The following SLC16A10 variants were observed in gnomAD, a reference collection of about 807,000 sequenced individuals.
SLC16A10 encodes monocarboxylate transporter 10.
A neutral mutation model predicts 40.0 loss-of-function variants in SLC16A10; 27 were observed. The observed-to-expected ratio is 0.67, with a 90% CI of 0.50 to 0.93. SLC16A10 has a LOEUF of 0.93. Ranked by LOEUF, SLC16A10 falls within the 40% of genes least tolerant of loss-of-function variation. The pLI is 0.00. For synonymous variants in SLC16A10, 213 were observed against 249.8 expected (o/e 0.85, Z 1.39); for missense variants, 529 against 658.2 (o/e 0.80, Z 2.15).
At chr6:111,145,350 A>G (rs1772057613) in intron 1 of SLC16A10, among the ~76,000 whole-genome samples, 2 of 152,192 alleles carry the variant, frequency 1.3e-5, no homozygotes, top group Non-Finnish European at 2.9e-5. Flanking sequence ...GCAATAAGCC[A>G]TGTTTGCATC....
chr6:111,219,283 A>G (rs138170652), intron 5 of SLC16A10, among the ~76,000 whole-genome samples: 1 of 152,132 alleles, frequency 6.6e-6, no homozygotes, highest in African/African-American at 2.4e-5. Context: ...ACACTTTGGG[A>G]GGCTGAGGCG....
chr6:111,137,166 CT>C (rs1771895057), intron 1 of SLC16A10, among the ~76,000 whole-genome samples: 1 of 152,204 alleles, frequency 6.6e-6, no homozygotes, highest in Non-Finnish European at 1.5e-5. Flanking sequence ...GGGTAATCCC[CT>C]CCAAGAAACC....
intron 1 of SLC16A10, among the ~76,000 whole-genome samples, chr6:111,165,313 G>C (rs1254059360): frequency 6.6e-6 from 1 of 152,094 alleles, no homozygotes; most frequent in Non-Finnish European, 1.5e-5. Flanking sequence ...TTTCCAGGGA[G>C]TCCCAGGCCA....
intron 1 of SLC16A10, among the ~76,000 whole-genome samples, chr6:111,150,170 T>C (rs1294642406): frequency 6.6e-6 from 1 of 152,218 alleles, no homozygotes; most frequent in Non-Finnish European, 1.5e-5. Context: ...AATGCCGTTG[T>C]TGCAGTAGTG....
chr6:111,143,613 A>G (rs1019613243), intron 1 of SLC16A10, among the ~76,000 whole-genome samples: 2 of 152,150 alleles, frequency 1.3e-5, no homozygotes, highest in East Asian at 1.9e-4. Context: ...GTTATATACC[A>G]TGGGATTTCA....
At chr6:111,199,160 G>A (rs935219573) in intron 3 of SLC16A10, among the ~76,000 whole-genome samples, 11 of 152,098 alleles carry the variant, frequency 7.2e-5, no homozygotes, top group African/African-American at 2.7e-4. Flanking sequence ...AGAAACTTCA[G>A]AATCAAATTT....
At chr6:111,135,361 G>A (rs1771859275) in intron 1 of SLC16A10, among the ~76,000 whole-genome samples, 1 of 152,164 alleles carries the variant, frequency 6.6e-6, no homozygotes, top group Non-Finnish European at 1.5e-5. Flanking sequence ...GGACCTAAAA[G>A]CCCAAGGCCT....
At position 111,107,895 on chromosome 6, in the gene SLC16A10, A is replaced by G. The variant is rs75844126; in HGVS notation, c.343+19800A>G. Reference sequence around the variant, plus strand: ...ATTAGCCAAAGTTTTAGCAAAACAAACAAATACCCAGGGAAGCTTTACCAG... The same window carrying G: ...ATTAGCCAAAGTTTTAGCAAAACAAGCAAATACCCAGGGAAGCTTTACCAG... On this transcript the variant is annotated intron_variant, in intron 1 of 5. Transcript: ENST00000368851. 1.7e-3 allele frequency among the ~76,000 whole-genome samples: 257 copies of G among 152,358 alleles called. 3 individuals carry two copies. Among genetic ancestry groups the G allele is most frequent in the African/African-American group, 5.7e-3 (235 of 41,586 alleles).
intron 1 of SLC16A10, among the ~76,000 whole-genome samples, chr6:111,171,295 C>T (rs1282138677): frequency 6.6e-6 from 1 of 152,212 alleles, no homozygotes; most frequent in Non-Finnish European, 1.5e-5. Flanking sequence ...ACAGTGTTTA[C>T]ACAGTCTCTT....
At chr6:111,183,926 G>A (rs919756516) in intron 3 of SLC16A10, among the ~76,000 whole-genome samples, 1 of 152,234 alleles carries the variant, frequency 6.6e-6, no homozygotes, top group African/African-American at 2.4e-5. Context: ...CTTTGGTCGA[G>A]CATTGAGCAT....
intron 1 of SLC16A10, among the ~76,000 whole-genome samples, chr6:111,143,654 A>C (rs1562411461): frequency 6.6e-6 from 1 of 152,194 alleles, no homozygotes; most frequent in Non-Finnish European, 1.5e-5. Context: ...TGGCAAAACG[A>C]AGGCAACAAT....
chr6:111,172,800 C>T lies in SLC16A10; in HGVS notation c.449C>T (p.Ala150Val), dbSNP rs775252602. ...GCRKTAVVGA[A>V]VGFVGLMSSS... is the part of the protein sequence containing the mutation. ...CGGAAAACAGCTGTCGTGGGTGCTG[C>T]TGTTGGATTTGTTGGGCTCATGTCC... The change falls in exon 2 of 6, where the codon GCT becomes GTT. Residue 150 changes from alanine (A) to valine (V), a missense_variant. Ala to Val is a moderately conservative substitution (Grantham distance 64). Coordinates refer to ENST00000368851, the MANE Select transcript of SLC16A10 (RefSeq NM_018593.5). 23 of 1,613,990 alleles carry T rather than the reference C, an allele frequency of 1.4e-5. No homozygotes were observed. The South Asian group carries it at 2.3e-4, about 16-fold the overall frequency.
At chr6:111,101,149 A>G (rs762516681) in intron 1 of SLC16A10, among the ~76,000 whole-genome samples, 8 of 151,002 alleles carry the variant, frequency 5.3e-5, no homozygotes, top group South Asian at 2.1e-4. Flanking sequence ...TCCCACCTCA[A>G]CCTCCCAAGT....
At chr6:111,172,899 C>T (rs1355841937) in intron 2 of SLC16A10, 60 bp downstream of exon 2, 9 of 1,552,290 alleles carry the variant, frequency 5.8e-6, no homozygotes, top group East Asian at 2.3e-5. Flanking sequence ...TAAAGTTTTA[C>T]TTTCAGAAAC....
intron 3 of SLC16A10, among the ~76,000 whole-genome samples, chr6:111,191,262 A>G (rs1002254232): frequency 1.3e-5 from 2 of 152,108 alleles, no homozygotes; most frequent in South Asian, 4.1e-4. Context: ...GAGTGAGAGC[A>G]TGTGGTGTTT....
rs556428599 is a variant in SLC16A10 at position 111,146,948 on chromosome 6, A to G, written c.344-25747A>G. On this transcript the variant is annotated intron_variant, in intron 1 of 5. Transcript: ENST00000368851. ...CTATACTAAATGAAAGAAACCAGCC[A>G]CAAAAGGCCACATAGTACATGATTA... Among the ~76,000 whole-genome samples the G allele has an allele frequency of 2.6e-5, 4 of 152,340 alleles. No homozygotes were observed. In the South Asian group the frequency reaches 8.3e-4, roughly 32 times the overall value.
intron 1 of SLC16A10, among the ~76,000 whole-genome samples, chr6:111,147,963 C>A (rs1160517069): frequency 6.6e-6 from 1 of 152,086 alleles, no homozygotes; most frequent in East Asian, 1.9e-4. Context: ...CACATCACAC[C>A]CATCCTTAGG....
Position 111,139,902 on chromosome 6 carries a change from T to C in SLC16A10, c.344-32793T>C, listed in dbSNP as rs577830927. Among the ~76,000 whole-genome samples the C allele has an allele frequency of 2.0e-5, 3 of 152,320 alleles. No homozygotes were observed. In the South Asian group the frequency reaches 6.2e-4, roughly 32 times the overall value. Reference sequence around the variant, plus strand: ...TACAGTATATAAGCATTCCTTTTTCTCTACAACCTCGCCAGCATCTGTTAC... The same window carrying C: ...TACAGTATATAAGCATTCCTTTTTCCCTACAACCTCGCCAGCATCTGTTAC... On this transcript the variant is annotated intron_variant, in intron 1 of 5. Coordinates refer to ENST00000368851, the MANE Select transcript of SLC16A10 (RefSeq NM_018593.5).
intron 3 of SLC16A10, 182 bp downstream of exon 3, chr6:111,177,847 A>C: frequency 1.8e-6 from 1 of 552,978 alleles, no homozygotes; most frequent in Non-Finnish European, 3.0e-6. Flanking sequence ...CTAAACAGAG[A>C]GAGTATGTTT....
Sources: gnomAD v4.1 joint callset for allele counts (sites outside exome capture counted in the v4.1 genomes callset) on GRCh38, gnomAD v4.1.1 for gene constraint, MANE v1.5 for transcripts, NCBI Gene and HGNC (gene_info 2026-07-23, HGNC 2026-07-21) for gene names.